Variants in RFX1 observed in about 807,000 individuals in gnomAD.
The protein encoded by RFX1 is regulatory factor X1.
In RFX1, 42 loss-of-function variants were observed where a neutral mutation model predicts 119.6. The observed-to-expected ratio is 0.35, with a 90% CI of 0.27 to 0.45. The LOEUF (loss-of-function observed/expected upper bound fraction) is 0.45. Among genes scored for constraint, RFX1 ranks in the 20% least tolerant of loss-of-function variants. RFX1 has a pLI of 1.00. For synonymous variants in RFX1, 628 were observed against 618.5 expected (o/e 1.02, Z -0.23); for missense variants, 1,118 against 1,368.1 (o/e 0.82, Z 2.88).
At chr19:13,977,582 A>G (rs1201429597) in intron 8 of RFX1, among the ~76,000 whole-genome samples, 2 of 151,938 alleles carry the variant, frequency 1.3e-5, no homozygotes, top group African/African-American at 2.4e-5. Flanking sequence ...ACTCCTGGCT[A>G]ACTTTTGTAT....
rs532360944 is a variant in RFX1, at chr19:13,981,582, C to T, written c.621+539G>A. 2.6e-5 allele frequency among the ~76,000 whole-genome samples: 4 copies of T among 152,258 alleles called. No homozygotes were observed. The East Asian group carries it at 5.8e-4, about 22-fold the overall frequency. ...CTTCACTCCAGCCTGGGGGACAGAG[C>T]GAGATTCTGTCTCAAAAACAAAACA... is the stretch of plus-strand genomic sequence containing the variant. On this transcript the variant is annotated intron_variant, in intron 5 of 20. Coordinates refer to ENST00000254325, the MANE Select transcript of RFX1 (RefSeq NM_002918.5).
intron 5 of RFX1, 38 bp downstream of exon 5, chr19:13,982,083 C>T (rs1243810291): frequency 2.7e-5 from 30 of 1,115,536 alleles, no homozygotes; most frequent in East Asian, 2.9e-5. Context: ...CCTCGGGAGA[C>T]AGCAGGGGGG....
intron 7 of RFX1, 74 bp from the exon 8 acceptor site, chr19:13,978,160 G>T (rs892678985): frequency 1.1e-5 from 12 of 1,093,934 alleles, no homozygotes; most frequent in Admixed American, 5.9e-5. Context: ...AAGGGCTGGT[G>T]CCCACCCAGG....
chr19:13,994,188 C>T (rs1368816780), intron 1 of RFX1, among the ~76,000 whole-genome samples: 3 of 152,090 alleles, frequency 2.0e-5, no homozygotes, highest in Non-Finnish European at 4.4e-5. Context: ...CCCCCACATC[C>T]ACATAGGATC....
intron 1 of RFX1, among the ~76,000 whole-genome samples, chr19:14,000,413 C>T (rs993904904): frequency 1.3e-5 from 2 of 151,878 alleles, no homozygotes; most frequent in East Asian, 1.9e-4. Flanking sequence ...TTGAGTCTGG[C>T]GGGGCAGAGG....
intron 8 of RFX1, among the ~76,000 whole-genome samples, 185 bp from the exon 9 acceptor site, chr19:13,973,312 G>A (rs1244895618): frequency 3.3e-5 from 5 of 152,266 alleles, no homozygotes; most frequent in African/African-American, 2.4e-5. Context: ...TTGATGGGCA[G>A]TATTTCATAT....
chr19:13,966,346 C>A lies in RFX1; in HGVS notation c.1961+75G>T. ...GCAGGGGACAAGCAGGTGCCCCAAC[C>A]CTGGCCATCAAAATCACCTGCGGGT... On this transcript the variant is annotated intron_variant, in intron 14 of 20. Transcript: ENST00000254325. The surrounding 1 kb of genome is among the most constrained non-coding windows in gnomAD (Gnocchi z 6.3). 1 of 938,918 alleles carries A rather than the reference C, an allele frequency of 1.1e-6. No homozygotes were observed. The highest frequency in any genetic ancestry group is 1.7e-6 in the Non-Finnish European group (1 of 588,000). 58.2% of individuals were successfully genotyped at this position (938,918 alleles called of 1,614,324 possible). A position where few individuals can be genotyped will look rare whatever the true frequency, so the allele number is the denominator to read the frequency against.
At position 13,980,830 on chromosome 19, in the gene RFX1, G is replaced by T. The variant is rs1974406908; in HGVS notation, c.622-141C>A. Reference sequence around the variant, plus strand: ...GGACCTATCCCAACCACCGAGGCTGGTAACTGACCGCGTCCCACGCATCCA... The same window carrying T: ...GGACCTATCCCAACCACCGAGGCTGTTAACTGACCGCGTCCCACGCATCCA... On this transcript the variant is annotated intron_variant, in intron 5 of 20. Coordinates refer to ENST00000254325, the MANE Select transcript of RFX1 (RefSeq NM_002918.5). This position sits in a 1 kb window ranked among gnomAD's most constrained non-coding sequence, Gnocchi z 5.1. The T allele has an allele frequency of 8.6e-6, 5 of 578,218 alleles. No individual in the cohort carries two copies. The South Asian group carries it at 1.1e-4, about 12-fold the overall frequency. 35.8% of individuals were successfully genotyped at this position (578,218 alleles called of 1,614,324 possible).
At chr19:13,994,216 G>A (rs1032712494) in intron 1 of RFX1, among the ~76,000 whole-genome samples, 3 of 152,016 alleles carry the variant, frequency 2.0e-5, no homozygotes, top group African/African-American at 7.2e-5. Context: ...CCCACACTGC[G>A]GGGGAACTTG....
chr19:13,966,762 G>A lies in RFX1; in HGVS notation c.1733-11C>T, dbSNP rs750477562. ...GGCTCCGAGAGGCATCTAGGGGGCC[G>A]GGGGGAACCGTGAGGCCCTTCATCC... On this transcript the variant is annotated splice_polypyrimidine_tract_variant and intron_variant, in intron 12 of 20. Coordinates refer to ENST00000254325, the MANE Select transcript of RFX1 (RefSeq NM_002918.5). The surrounding 1 kb of genome is among the most constrained non-coding windows in gnomAD (Gnocchi z 6.3). 29 of 1,557,198 alleles carry A rather than the reference G, an allele frequency of 1.9e-5. No individual in the cohort carries two copies. The highest frequency in any genetic ancestry group is 1.7e-4 in the Middle Eastern group (1 of 5,840).
At chr19:13,970,661 C>CAAAAAAAAAAAAAAAAA (rs1167910642) in intron 9 of RFX1, among the ~76,000 whole-genome samples, 1 of 25,828 alleles carries the variant, frequency 3.9e-5, no homozygotes, top group Non-Finnish European at 7.6e-5. Flanking sequence ...GACCTTGTCT[C>CAAAAAAAAAAAAAAAAA]AAAAAAAAAA....
At chr19:13,989,445 A>G (rs1440122761) in intron 2 of RFX1, among the ~76,000 whole-genome samples, 2 of 151,990 alleles carry the variant, frequency 1.3e-5, no homozygotes, top group Non-Finnish European at 2.9e-5. Flanking sequence ...GTCTTGGCTC[A>G]CTGCAACCTC....
At position 13,990,538 on chromosome 19, in the gene RFX1, C is replaced by G. The variant is rs1416675556; in HGVS notation, c.319+2987G>C. On this transcript the variant is annotated intron_variant, in intron 2 of 20. Coordinates refer to ENST00000254325, the MANE Select transcript of RFX1 (RefSeq NM_002918.5). This position sits in a 1 kb window ranked among gnomAD's most constrained non-coding sequence, Gnocchi z 4.1. ...TCTACAAAAAAATTAAAAGATTAGG[C>G]CGGGCGCGGTGGCTCACGCCTGTAA... Among the ~76,000 whole-genome samples the G allele has an allele frequency of 6.6e-6, 1 of 152,048 alleles. No homozygotes were observed. The highest frequency in any genetic ancestry group is 1.5e-5 in the Non-Finnish European group (1 of 68,014).
chr19:13,999,675 T>C (rs1599523775), intron 1 of RFX1, among the ~76,000 whole-genome samples: 2 of 152,102 alleles, frequency 1.3e-5, no homozygotes, highest in African/African-American at 4.8e-5. Flanking sequence ...TGTTTTTTTT[T>C]TGTTTTTTTT....
intron 1 of RFX1, among the ~76,000 whole-genome samples, chr19:13,996,129 C>T (rs561721909): frequency 2.6e-5 from 4 of 152,282 alleles, no homozygotes; most frequent in African/African-American, 4.8e-5. Flanking sequence ...GGCCTCCCTC[C>T]GGCTCAGCCC....
chr19:13,962,415 G>T lies in RFX1; in HGVS notation c.*280C>A, dbSNP rs926288567. ...GGGAGAAGACGCTGGGGCCTGGGAGGGGGGCGGCCAAGGGGCCGAGCTGGA... is the reference window on the plus strand; with the variant it reads ...GGGAGAAGACGCTGGGGCCTGGGAGTGGGGCGGCCAAGGGGCCGAGCTGGA... On this transcript the variant is annotated 3_prime_UTR_variant, in exon 21 of 21. Transcript: ENST00000254325. The T allele has an allele frequency of 6.2e-6, 3 of 480,624 alleles. No homozygotes were observed. Among genetic ancestry groups the T allele is most frequent in the Non-Finnish European group, 7.4e-6 (2 of 271,374 alleles). The allele number at this position is 480,624 out of a possible 1,614,324, so 29.8% of individuals were successfully genotyped here. A position where few individuals can be genotyped will look rare whatever the true frequency, so the allele number is the denominator to read the frequency against.
chr19:13,963,999 C>G lies in RFX1; in HGVS notation c.2220G>C (p.Ala740=). The change falls in exon 17 of 21, where the codon GCG becomes GCC. Residue 740 remains alanine, a synonymous_variant. Coordinates refer to ENST00000254325, the MANE Select transcript of RFX1 (RefSeq NM_002918.5). The stretch of plus-strand genomic sequence containing the variant: ...GCAGTGTCTGCGCGAAGGCGCCAGC[C>G]GCGGCCACCTGCGTGCAGGGATTGA... ...PEEMLRVKVA[A]AGAFAQTLRR... 1.3e-6 allele frequency: 2 copies of G among 1,534,398 alleles called. No individual in the cohort carries two copies. The highest frequency in any genetic ancestry group is 1.7e-6 in the Non-Finnish European group (2 of 1,146,070).
At chr19:14,002,312 C>A (rs1975243484) in intron 1 of RFX1, among the ~76,000 whole-genome samples, 1 of 123,650 alleles carries the variant, frequency 8.1e-6, no homozygotes. Context: ...GAGACTCTGT[C>A]TCAAAAAAAA....
intron 1 of RFX1, among the ~76,000 whole-genome samples, chr19:14,005,476 T>A (rs539149224): frequency 1.3e-5 from 2 of 152,150 alleles, no homozygotes; most frequent in South Asian, 4.1e-4. Context: ...AGATAAGCCG[T>A]AAGTAAAATT....
Sources: allele counts gnomAD v4.1 joint callset (sites outside exome capture counted in the v4.1 genomes callset), GRCh38; gene constraint gnomAD v4.1.1; non-coding constraint Gnocchi (gnomAD v3.1); transcripts MANE v1.5; gene names NCBI Gene and HGNC (gene_info 2026-07-23, HGNC 2026-07-21).